Variants in KIRREL3 observed in about 807,000 individuals in gnomAD.
KIRREL3 encodes the protein kin of IRRE-like protein 3.
KIRREL3 carries 36 observed loss-of-function variants against 89.7 expected under a neutral mutation model. The observed-to-expected ratio is 0.40, with a 90% CI of 0.31 to 0.53. The LOEUF is 0.53. KIRREL3 is among the 20% of genes least tolerant of loss of function. The pLI is 0.49. For missense variants in KIRREL3, 864 were observed against 1,056.6 expected (o/e 0.82, Z 2.53); for synonymous variants, 445 against 441.4 (o/e 1.01, Z -0.10).
At chr11:126,536,101 G>A (rs944805940) in intron 2 of KIRREL3, among the ~76,000 whole-genome samples, 1 of 152,178 alleles carries the variant, frequency 6.6e-6, no homozygotes, top group Non-Finnish European at 1.5e-5. Flanking sequence ...GACAGAGTGA[G>A]ACTCCATCTC....
chr11:126,877,043 G>A lies in KIRREL3; in HGVS notation c.55+123412C>T, dbSNP rs1245608243. On this transcript the variant is annotated intron_variant, in intron 1 of 16. Coordinates refer to ENST00000525144, the MANE Select transcript of KIRREL3 (RefSeq NM_032531.4). The surrounding 1 kb of genome is among the most constrained non-coding windows in gnomAD (Gnocchi z 4.9). The stretch of plus-strand genomic sequence containing the variant: ...CTGCTGAGGTCTGCATAAGAATAAA[G>A]GTTGGTTGTGGCGCTTGGCCAAAGC... 3.3e-5 allele frequency among the ~76,000 whole-genome samples: 5 copies of A among 152,196 alleles called. No individual in the cohort carries two copies. The highest frequency in any genetic ancestry group is 7.3e-5 in the Non-Finnish European group (5 of 68,038).
chr11:126,437,322 AAC>A (rs996999069), intron 11 of KIRREL3, among the ~76,000 whole-genome samples: 2 of 152,170 alleles, frequency 1.3e-5, no homozygotes, highest in Non-Finnish European at 2.9e-5. Context: ...ACACATGGCC[AAC>A]ACGTTTATAT....
intron 1 of KIRREL3, among the ~76,000 whole-genome samples, chr11:126,572,939 C>T (rs1941045067): frequency 6.6e-6 from 1 of 152,196 alleles, no homozygotes; most frequent in South Asian, 2.1e-4. Flanking sequence ...TGCCCTCAAG[C>T]CCCTCACATG....
chr11:126,894,542 CAAAAAAAAAAA>C (rs10630231), intron 1 of KIRREL3, among the ~76,000 whole-genome samples: 3 of 17,478 alleles, frequency 1.7e-4, no homozygotes, highest in East Asian at 2.5e-3. Flanking sequence ...GACCTCATCT[CAAAAAAAAAAA>C]AAAAAAAAAA....
chr11:127,001,952 T>C (rs143766546), upstream of KIRREL3, among the ~76,000 whole-genome samples: 79 of 152,284 alleles, frequency 5.2e-4, no homozygotes, highest in Non-Finnish European at 7.5e-4. Flanking sequence ...ACATGTGCCA[T>C]TTAGCATTCA....
chr11:126,785,746 C>G (rs532741849), intron 1 of KIRREL3, among the ~76,000 whole-genome samples: 1 of 151,922 alleles, frequency 6.6e-6, no homozygotes, highest in Admixed American at 6.6e-5. Flanking sequence ...TGGTGGTGCG[C>G]ACCTGTAGTC....
rs1194998985 is a variant in KIRREL3, at chr11:126,682,400, G to A, written c.56-119488C>T. Reference sequence around the variant, plus strand: ...AATATCCTCCTCCCAGTGTTGCTGGGAGGATGAAGTGAGATGAATCTGGTG... The same window carrying A: ...AATATCCTCCTCCCAGTGTTGCTGGAAGGATGAAGTGAGATGAATCTGGTG... On this transcript the variant is annotated intron_variant, in intron 1 of 16. Coordinates refer to ENST00000525144, the MANE Select transcript of KIRREL3 (RefSeq NM_032531.4). The surrounding 1 kb of genome is among the most constrained non-coding windows in gnomAD (Gnocchi z 4.8). Among the ~76,000 whole-genome samples the A allele has an allele frequency of 6.6e-6, 1 of 152,152 alleles. No homozygotes were observed. Among genetic ancestry groups the A allele is most frequent in the East Asian group, 1.9e-4 (1 of 5,186 alleles).
At position 126,708,652 on chromosome 11, in the gene KIRREL3, G is replaced by A. The variant is rs181674032; in HGVS notation, c.56-145740C>T. ...ACCGGCGAACTCGAGAGCCAAGAGC[G>A]GCACTCCCACCTGGGCACTCCTTGC... On this transcript the variant is annotated intron_variant, in intron 1 of 16. Transcript: ENST00000525144. This position sits in a 1 kb window ranked among gnomAD's most constrained non-coding sequence, Gnocchi z 5.7. Among the ~76,000 whole-genome samples, 16 of 152,264 alleles carry A rather than the reference G, an allele frequency of 1.1e-4. No individual in the cohort carries two copies. In the South Asian group the frequency reaches 1.7e-3, roughly 16 times the overall value.
rs866210296 is a variant in KIRREL3, at chr11:126,611,162, G to T, written c.56-48250C>A. Among the ~76,000 whole-genome samples the T allele has an allele frequency of 2.0e-5, 3 of 152,198 alleles. No homozygotes were observed. The highest frequency in any genetic ancestry group is 4.1e-4 in the South Asian group (2 of 4,824). On this transcript the variant is annotated intron_variant, in intron 1 of 16. Coordinates refer to ENST00000525144, the MANE Select transcript of KIRREL3 (RefSeq NM_032531.4). The surrounding 1 kb of genome is among the most constrained non-coding windows in gnomAD (Gnocchi z 4.7). ...AAGTCACAAAGACCTAATCTGGGAG[G>T]TGGGAATAGTCATAGAAAAAGGATC...
intron 4 of KIRREL3, among the ~76,000 whole-genome samples, chr11:126,505,404 T>C (rs1565507105): frequency 6.6e-6 from 1 of 152,120 alleles, no homozygotes; most frequent in Non-Finnish European, 1.5e-5. Context: ...ACCCCATTTC[T>C]ACTAAAAATA....
chr11:126,483,002 GAAGCAAA>G (rs2134313531), intron 4 of KIRREL3, among the ~76,000 whole-genome samples: 1 of 152,372 alleles, frequency 6.6e-6, no homozygotes, highest in Admixed American at 6.5e-5. Context: ...GAAAACAGCA[GAAGCAAA>G]AAGTTTACTC....
At position 126,747,055 on chromosome 11, in the gene KIRREL3, A is replaced by G. The variant is rs1949176406; in HGVS notation, c.56-184143T>C. Among the ~76,000 whole-genome samples, 1 of 152,234 alleles carries G rather than the reference A, an allele frequency of 6.6e-6. No individual in the cohort carries two copies. Among genetic ancestry groups the G allele is most frequent in the Non-Finnish European group, 1.5e-5 (1 of 68,046 alleles). ...CTGCCATCTTGGCTTAAAAACCTCCAGTGGTTCTGAACATCTTCACAAGGC... is the reference window on the plus strand; with the variant it reads ...CTGCCATCTTGGCTTAAAAACCTCCGGTGGTTCTGAACATCTTCACAAGGC... On this transcript the variant is annotated intron_variant, in intron 1 of 16. Transcript: ENST00000525144. The surrounding 1 kb of genome is among the most constrained non-coding windows in gnomAD (Gnocchi z 4.7).
intron 1 of KIRREL3, among the ~76,000 whole-genome samples, chr11:126,887,613 C>A (rs1945749161): frequency 1.3e-5 from 2 of 152,126 alleles, no homozygotes; most frequent in African/African-American, 4.8e-5. Flanking sequence ...CTCCCACCCC[C>A]ACCAACCAAG....
In KIRREL3 at chr11:126,523,352, G is replaced by A. The variant is rs1958654534; in HGVS notation, c.284-1888C>T. Among the ~76,000 whole-genome samples, 1 of 152,160 alleles carries A rather than the reference G, an allele frequency of 6.6e-6. No individual in the cohort carries two copies. On this transcript the variant is annotated intron_variant, in intron 3 of 16. Coordinates refer to ENST00000525144, the MANE Select transcript of KIRREL3 (RefSeq NM_032531.4). This position sits in a 1 kb window ranked among gnomAD's most constrained non-coding sequence, Gnocchi z 4.9. ...CTGGAGGTGGGGCAGGCCTCCCTGGGGGTGGGCTGTACAACGGGCCACCAG... is the reference window on the plus strand; with the variant it reads ...CTGGAGGTGGGGCAGGCCTCCCTGGAGGTGGGCTGTACAACGGGCCACCAG...
In KIRREL3 at chr11:126,694,253, C is replaced by A. The variant is rs189196826; in HGVS notation, c.56-131341G>T. ...CAGTCCGAACTCCTAGCTCATCAAA[C>A]CTTGGAAATGCTCACTGCAAATGGT... On this transcript the variant is annotated intron_variant, in intron 1 of 16. Transcript: ENST00000525144. This position sits in a 1 kb window ranked among gnomAD's most constrained non-coding sequence, Gnocchi z 4.4. 6.6e-6 allele frequency among the ~76,000 whole-genome samples: 1 copy of A among 152,188 alleles called. No individual in the cohort carries two copies. The highest frequency in any genetic ancestry group is 2.1e-4 in the South Asian group (1 of 4,828).
At chr11:126,922,153 A>G (rs1335726409) in intron 1 of KIRREL3, among the ~76,000 whole-genome samples, 3 of 150,568 alleles carry the variant, frequency 2.0e-5, no homozygotes, top group Non-Finnish European at 3.0e-5. Context: ...CTATCTATCT[A>G]TCTATCTATC....
rs930044023 is a variant in KIRREL3, at chr11:126,682,078, G to A, written c.56-119166C>T. 2.9e-6 allele frequency: 1 copy of A among 343,512 alleles called. No homozygotes were observed. Among genetic ancestry groups the A allele is most frequent in the Non-Finnish European group, 5.7e-6 (1 of 174,092 alleles). 21.3% of individuals were successfully genotyped at this position (343,512 alleles called of 1,614,324 possible). On this transcript the variant is annotated intron_variant, in intron 1 of 16. Coordinates refer to ENST00000525144, the MANE Select transcript of KIRREL3 (RefSeq NM_032531.4). The surrounding 1 kb of genome is among the most constrained non-coding windows in gnomAD (Gnocchi z 4.8). Reference sequence around the variant, plus strand: ...TATGTTGTATTTTATTTGATGCAAAGCAATAAAATATTCCTCCCTCCTGTG... The same window carrying A: ...TATGTTGTATTTTATTTGATGCAAAACAATAAAATATTCCTCCCTCCTGTG...
rs12800468 is a variant in KIRREL3, at chr11:126,476,450, G to T, written c.434-2984C>A. Reference sequence around the variant, plus strand: ...TTGTGGCTGGAGTGTTGTGTTACTGGAATATCGGATTAGAGGCAGCGAGGA... The same window carrying T: ...TTGTGGCTGGAGTGTTGTGTTACTGTAATATCGGATTAGAGGCAGCGAGGA... On this transcript the variant is annotated intron_variant, in intron 4 of 16. Coordinates refer to ENST00000525144, the MANE Select transcript of KIRREL3 (RefSeq NM_032531.4). This position sits in a 1 kb window ranked among gnomAD's most constrained non-coding sequence, Gnocchi z 6.4. Among the ~76,000 whole-genome samples, 20,219 of 152,194 alleles carry T rather than the reference G, an allele frequency of 0.13. 1,512 individuals carry two copies. The highest frequency in any genetic ancestry group is 0.17 in the Non-Finnish European group (11,850 of 67,976).
chr11:126,788,608 T>A lies in KIRREL3; in HGVS notation c.55+211847A>T, dbSNP rs1307039997. 6.6e-6 allele frequency among the ~76,000 whole-genome samples: 1 copy of A among 152,218 alleles called. No homozygotes were observed. Among genetic ancestry groups the A allele is most frequent in the African/African-American group, 2.4e-5 (1 of 41,466 alleles). On this transcript the variant is annotated intron_variant, in intron 1 of 16. Transcript: ENST00000525144. This position sits in a 1 kb window ranked among gnomAD's most constrained non-coding sequence, Gnocchi z 4.1. ...AAGAAGGACCTATGTTCTGCCAGGC[T>A]GTGCTGCAGTTGCTATGTCTTGGGT...
Sources: gnomAD v4.1 joint callset for allele counts (sites outside exome capture counted in the v4.1 genomes callset) on GRCh38, gnomAD v4.1.1 for gene constraint, Gnocchi (gnomAD v3.1) non-coding constraint, MANE v1.5 for transcripts, NCBI Gene and HGNC (gene_info 2026-07-23, HGNC 2026-07-21) for gene names.